Variants in THSD7A observed in about 807,000 individuals in gnomAD.
The protein encoded by THSD7A is thrombospondin type 1 domain containing 7A, also known as thrombospondin type-1 domain-containing protein 7A.
A neutral mutation model predicts 231.3 loss-of-function variants in THSD7A; 96 were observed. That is an observed-to-expected ratio of 0.41 (90% CI 0.35 to 0.49). The LOEUF is 0.49. THSD7A is among the 20% of genes least tolerant of loss of function. THSD7A has a pLI of 0.05. For missense variants in THSD7A, 2,290 were observed against 2,070.2 expected (o/e 1.11, Z -2.06); for synonymous variants, 940 against 743.3 (o/e 1.26, Z -4.30).
chr7:11,464,376 C>T (rs981631964), intron 9 of THSD7A, among the ~76,000 whole-genome samples: 3 of 152,036 alleles, frequency 2.0e-5, no homozygotes, highest in African/African-American at 7.2e-5. Context: ...GATTTGGGGG[C>T]TGGTGGAGAC....
At chr7:11,732,591 T>C (rs1781774612) in intron 1 of THSD7A, among the ~76,000 whole-genome samples, 1 of 151,820 alleles carries the variant, frequency 6.6e-6, no homozygotes, top group African/African-American at 2.4e-5. Context: ...AAATAAAACA[T>C]TTACATATAC....
intron 2 of THSD7A, among the ~76,000 whole-genome samples, chr7:11,610,758 A>G (rs112079247): frequency 0.019 from 2,955 of 152,268 alleles, 34 homozygotes; most frequent in Non-Finnish European, 0.032. Context: ...ATTGCAACAA[A>G]TAGGAAAAAT....
chr7:11,622,932 T>A (rs752017290), intron 2 of THSD7A, among the ~76,000 whole-genome samples: 28 of 152,160 alleles, frequency 1.8e-4, no homozygotes, highest in Non-Finnish European at 3.7e-4. Flanking sequence ...GATATCTTCA[T>A]AGTTGTGGGA....
intron 23 of THSD7A, among the ~76,000 whole-genome samples, chr7:11,399,637 C>T (rs886792816): frequency 5.3e-5 from 8 of 152,036 alleles, no homozygotes; most frequent in African/African-American, 9.7e-5. Flanking sequence ...GTTAGAATGG[C>T]GATCATTAAA....
At chr7:11,556,205 T>C (rs10280808) in intron 4 of THSD7A, among the ~76,000 whole-genome samples, 18,264 of 151,654 alleles carry the variant, frequency 0.12, 2,277 homozygotes, top group African/African-American at 0.31. Context: ...TACAGTGTTT[T>C]TGAGTGCATG....
At chr7:11,395,078 A>C (rs1329200333) in intron 23 of THSD7A, among the ~76,000 whole-genome samples, 1 of 152,044 alleles carries the variant, frequency 6.6e-6, no homozygotes, top group Non-Finnish European at 1.5e-5. Flanking sequence ...GACCCATCTC[A>C]CGTGCAAAGA....
At chr7:11,549,315 C>A (rs1437930313) in intron 4 of THSD7A, among the ~76,000 whole-genome samples, 2 of 138,372 alleles carry the variant, frequency 1.4e-5, no homozygotes, top group Non-Finnish European at 3.4e-5. Flanking sequence ...ACACAAATTA[C>A]ATTTCACTGT....
Position 11,832,082 on chromosome 7 carries a change from G to A in THSD7A, c.-136C>T. 2 of 565,130 alleles carry A rather than the reference G, an allele frequency of 3.5e-6. No homozygotes were observed. Among genetic ancestry groups the A allele is most frequent in the Middle Eastern group, 5.8e-4 (1 of 1,718 alleles). The allele number at this position is 565,130 out of a possible 1,614,324, so 35.0% of individuals were successfully genotyped here. ...TATTGTTCGCTTCAGATGAGAAGGA[G>A]GGAGAGCGCGTCTAACACCAGGGAA... On this transcript the variant is annotated 5_prime_UTR_variant, in exon 1 of 28. Transcript: ENST00000423059.
chr7:11,647,336 G>C (rs1782320793), intron 1 of THSD7A, among the ~76,000 whole-genome samples: 1 of 152,002 alleles, frequency 6.6e-6, no homozygotes, highest in South Asian at 2.1e-4. Flanking sequence ...GATGGAGAGA[G>C]GGCCAATCCT....
At chr7:11,734,298 C>T (rs1032383675) in intron 1 of THSD7A, among the ~76,000 whole-genome samples, 1 of 151,904 alleles carries the variant, frequency 6.6e-6, no homozygotes, top group Non-Finnish European at 1.5e-5. Flanking sequence ...GTTGCACAAC[C>T]TCTAATCATT....
Position 11,593,294 on chromosome 7 carries a change from G to A in THSD7A, c.1231C>T (p.Pro411Ser), listed in dbSNP as rs200616288. ...KECPEFEEKE[P>S]CLSQGDGVVP... ...ACTCCATCTCCTTGAGACAAACAGG[G>A]TTCTTTTTCTTCAAATTCTGGACAC... Residue 411 changes from proline to serine, a missense_variant, in exon 3 of 28, where the codon CCC (proline) becomes TCC (serine). Coordinates refer to ENST00000423059, the MANE Select transcript of THSD7A (RefSeq NM_015204.3). The A allele has an allele frequency of 1.4e-5, 23 of 1,613,864 alleles. No individual in the cohort carries two copies. In the African/African-American group the frequency reaches 2.5e-4, roughly 18 times the overall value.
In THSD7A at chr7:11,814,573, G is replaced by A. The variant is rs1018473054; in HGVS notation, c.190+17184C>T. Among the ~76,000 whole-genome samples the A allele has an allele frequency of 5.3e-5, 8 of 152,266 alleles. No individual in the cohort carries two copies. The highest frequency in any genetic ancestry group is 1.9e-4 in the African/African-American group (8 of 41,574). ...CAGTGCTTGATCAACCAAGGTTGAA[G>A]GACCACCTTGTCTGCTTCATAGTAT... On this transcript the variant is annotated intron_variant, in intron 1 of 27. Coordinates refer to ENST00000423059, the MANE Select transcript of THSD7A (RefSeq NM_015204.3). The surrounding 1 kb of genome is among the most constrained non-coding windows in gnomAD (Gnocchi z 5.1).
chr7:11,471,636 T>C (rs1405516312), intron 8 of THSD7A, among the ~76,000 whole-genome samples: 2 of 152,054 alleles, frequency 1.3e-5, no homozygotes, highest in Non-Finnish European at 2.9e-5. Context: ...ATTTCAAAAA[T>C]AATCTTTTTG....
At chr7:11,696,512 T>G (rs1780406099) in intron 1 of THSD7A, among the ~76,000 whole-genome samples, 1 of 151,446 alleles carries the variant, frequency 6.6e-6, no homozygotes, top group Non-Finnish European at 1.5e-5. Context: ...GGTGGTTTGC[T>G]GCACCTCTCA....
chr7:11,783,131 T>C lies in THSD7A; in HGVS notation c.190+48626A>G, dbSNP rs574157900. On this transcript the variant is annotated intron_variant, in intron 1 of 27. Transcript: ENST00000423059. The stretch of plus-strand genomic sequence containing the variant: ...AATAACATTGATAACCACTATGGAA[T>C]ACAGATGCCCTTCTACTTACACTGG... 1.1e-4 allele frequency among the ~76,000 whole-genome samples: 17 copies of C among 152,266 alleles called. No individual in the cohort carries two copies. The Middle Eastern group carries it at 0.02, about 183-fold the overall frequency.
chr7:11,678,263 G>A (rs187090861), intron 1 of THSD7A, among the ~76,000 whole-genome samples: 381 of 151,960 alleles, frequency 2.5e-3, no homozygotes, highest in African/African-American at 8.7e-3. Context: ...AAATTGACAC[G>A]CTAACATCAC....
intron 11 of THSD7A, among the ~76,000 whole-genome samples, chr7:11,451,553 T>A (rs1236557031): frequency 6.6e-6 from 1 of 152,020 alleles, no homozygotes; most frequent in African/African-American, 2.4e-5. Flanking sequence ...CTTTTGTGTA[T>A]CTTTGAAACT....
intron 4 of THSD7A, among the ~76,000 whole-genome samples, chr7:11,545,616 C>T (rs1375925369): frequency 2.6e-5 from 4 of 152,130 alleles, no homozygotes; most frequent in African/African-American, 9.7e-5. Flanking sequence ...AAGATCCATT[C>T]CTGGCCCTGA....
chr7:11,406,243 C>A lies in THSD7A; in HGVS notation c.4237+57G>T. 7.2e-6 allele frequency: 11 copies of A among 1,518,926 alleles called. No individual in the cohort carries two copies. Among genetic ancestry groups the A allele is most frequent in the Admixed American group, 4.1e-5 (2 of 48,630 alleles). The allele number at this position is 1,518,926 out of a possible 1,614,324, so 94.1% of individuals were successfully genotyped here. A position where few individuals can be genotyped will look rare whatever the true frequency, so the allele number is the denominator to read the frequency against. On this transcript the variant is annotated intron_variant, in intron 22 of 27. Coordinates refer to ENST00000423059, the MANE Select transcript of THSD7A (RefSeq NM_015204.3). This position sits in a 1 kb window ranked among gnomAD's most constrained non-coding sequence, Gnocchi z 4.7. ...TTATACTTTATATGCAACCCCTTCA[C>A]GGCCCTTGTCCTAGGAAAAAATAAT...
Sources: gnomAD v4.1 joint callset for allele counts (sites outside exome capture counted in the v4.1 genomes callset) on GRCh38, gnomAD v4.1.1 for gene constraint, Gnocchi (gnomAD v3.1) non-coding constraint, MANE v1.5 for transcripts, NCBI Gene and HGNC (gene_info 2026-07-23, HGNC 2026-07-21) for gene names.